DSG4: variants seen among roughly 807,000 people sequenced by gnomAD.
The protein encoded by DSG4 is desmoglein 4.
In DSG4, 87 loss-of-function variants were observed where a neutral mutation model predicts 93.1. The ratio of observed to expected loss-of-function variants is 0.93; its 90% CI spans 0.79 to 1.12. DSG4 has a LOEUF of 1.12. Ranked by LOEUF, DSG4 falls within the 50% of genes most tolerant of loss-of-function variation. DSG4 has a pLI of 0.00. For missense variants in DSG4, 1,373 were observed against 1,285.7 expected (o/e 1.07, Z -1.04); for synonymous variants, 432 against 452.9 (o/e 0.95, Z 0.59).
intron 4 of DSG4, 72 bp from the exon 5 acceptor site, chr18:31,388,802 C>T (rs2072217099): frequency 6.2e-7 from 1 of 1,608,076 alleles, no homozygotes; most frequent in Admixed American, 1.7e-5. Context: ...TGCCTATTTT[C>T]TGATATATTT....
At position 31,390,666 on chromosome 18, in the gene DSG4, A is replaced by G; in HGVS notation, c.528A>G (p.Val176=). 3.1e-6 allele frequency: 5 copies of G among 1,613,538 alleles called. No individual in the cohort carries two copies. The highest frequency in any genetic ancestry group is 1.7e-4 in the Middle Eastern group (1 of 6,056). The change falls in exon 6 of 16, where the codon GTA becomes GTG. Residue 176 remains valine, a synonymous_variant. Coordinates refer to ENST00000308128, the MANE Select transcript of DSG4 (RefSeq NM_177986.5). ...CATTTCTATTTCTAGATACATTGGT[A>G]GTAAAGTTATGTGCCACAGATGCAG... is the stretch of plus-strand genomic sequence containing the variant. ...IEENSDANTL[V]VKLCATDADE...
At chr18:31,385,002 A>G (rs2072172512) in intron 1 of DSG4, 134 bp from the exon 2 acceptor site, 4 of 801,908 alleles carry the variant, frequency 5.0e-6, no homozygotes, top group Non-Finnish European at 8.4e-6. Context: ...TGTGTTAGCC[A>G]TGTTTATTTC....
chr18:31,383,791 G>A (rs541509143), intron 1 of DSG4, among the ~76,000 whole-genome samples: 1 of 152,188 alleles, frequency 6.6e-6, no homozygotes, highest in East Asian at 1.9e-4. Context: ...ATTATCTGGG[G>A]CACTAAACTA....
rs748100051 is a variant in DSG4, at chr18:31,392,241, C to T, written c.906C>T (p.Asn302=). Residue 302 remains asparagine (N), a synonymous_variant, in exon 8 of 16, where the codon AAC becomes AAT. Coordinates refer to ENST00000308128, the MANE Select transcript of DSG4 (RefSeq NM_177986.5). The part of the protein sequence containing the change: ...AIDLDEEGTD[N]WLAQYLILSG... ...ATCTTGATGAAGAAGGCACTGATAA[C>T]TGGTTGGCTCAATATTTAATTCTCT... is the stretch of plus-strand genomic sequence containing the variant. 44 of 1,613,638 alleles carry T rather than the reference C, an allele frequency of 2.7e-5. No individual in the cohort carries two copies. The South Asian group carries it at 4.7e-4, about 17-fold the overall frequency.
Position 31,412,659 on chromosome 18 carries a change from A to G in DSG4, c.2356-169A>G, listed in dbSNP as rs187271406. ...CTTAAAATTGGTAGTTACAAATGCT[A>G]TCACAGAATGTGCATGGATAGTATC... is the stretch of plus-strand genomic sequence containing the variant. On this transcript the variant is annotated intron_variant, in intron 15 of 15. Coordinates refer to ENST00000308128, the MANE Select transcript of DSG4 (RefSeq NM_177986.5). Among the ~76,000 whole-genome samples, 286 of 152,358 alleles carry G rather than the reference A, an allele frequency of 1.9e-3. 1 individual carries two copies. Among genetic ancestry groups the G allele is most frequent in the African/African-American group, 6.2e-3 (259 of 41,586 alleles).
intron 6 of DSG4, 114 bp downstream of exon 6, chr18:31,390,936 A>C (rs1422915900): frequency 6.7e-7 from 1 of 1,500,746 alleles, no homozygotes; most frequent in Non-Finnish European, 9.0e-7. Flanking sequence ...AAAATAATCC[A>C]TTTTTAATAA....
At position 31,409,790 on chromosome 18, in the gene DSG4, G is replaced by T; in HGVS notation, c.2119G>T (p.Asp707Tyr). 1 of 1,614,086 alleles carries T rather than the reference G, an allele frequency of 6.2e-7. No individual in the cohort carries two copies. The highest frequency in any genetic ancestry group is 1.1e-5 in the South Asian group (1 of 91,060). The change falls in exon 14 of 16, where the codon GAT becomes TAT. Residue 707 changes from aspartate (D) to tyrosine (Y), a missense_variant. Physicochemically the swap from Asp to Tyr is radical, Grantham distance 160. Coordinates refer to ENST00000308128, the MANE Select transcript of DSG4 (RefSeq NM_177986.5). ...ACCCATGACAGCCTCAAATACCCAG[G>T]ATCGGATGGATTCCTCTGGTCAGTA... ...CAPMTASNTQ[D>Y]RMDSSEIYTN... is the part of the protein sequence containing the mutation.
chr18:31,392,360 A>T lies in DSG4; in HGVS notation c.1005+20A>T, dbSNP rs1245731915. On this transcript the variant is annotated intron_variant, in intron 8 of 15. Coordinates refer to ENST00000308128, the MANE Select transcript of DSG4 (RefSeq NM_177986.5). ...GTCAAGGTACAGTATAAGGATCTGC[A>T]ATATTTTCTTCCAAAATATTTTATT... The T allele has an allele frequency of 6.2e-7, 1 of 1,611,930 alleles. No homozygotes were observed. The highest frequency in any genetic ancestry group is 8.5e-7 in the Non-Finnish European group (1 of 1,178,588).
intron 11 of DSG4, among the ~76,000 whole-genome samples, chr18:31,405,339 AC>A (rs2072412811): frequency 6.6e-6 from 1 of 152,240 alleles, no homozygotes; most frequent in Admixed American, 6.5e-5. Context: ...TGAGTAAGAT[AC>A]ATATAAACAG....
intron 10 of DSG4, 102 bp downstream of exon 10, chr18:31,401,122 G>A (rs1324880791): frequency 2.9e-6 from 3 of 1,039,332 alleles, no homozygotes; most frequent in Admixed American, 2.7e-5. Context: ...CATTTTTAAT[G>A]GTGTATGCAA....
At chr18:31,401,829 T>C (rs1355493845) in intron 10 of DSG4, among the ~76,000 whole-genome samples, 1 of 152,190 alleles carries the variant, frequency 6.6e-6, no homozygotes, top group Non-Finnish European at 1.5e-5. Context: ...ATAGCTGACC[T>C]TTCCAGTATC....
Position 31,392,335 on chromosome 18 carries a change from G to T in DSG4, c.1000G>T (p.Val334Phe). 1.9e-6 allele frequency: 3 copies of T among 1,613,516 alleles called. No homozygotes were observed. The highest frequency in any genetic ancestry group is 1.7e-5 in the Admixed American group (1 of 59,998). Reference protein sequence around the residue: ...PQTNEGILKVVKMLDYEQAPN... With the variant: ...PQTNEGILKVFKMLDYEQAPN... Reference sequence around the variant, plus strand: ...AACCAATGAAGGCATTTTGAAAGTTGTCAAGGTACAGTATAAGGATCTGCA... The same window carrying T: ...AACCAATGAAGGCATTTTGAAAGTTTTCAAGGTACAGTATAAGGATCTGCA... Residue 334 changes from valine (V) to phenylalanine (F), a missense_variant, in exon 8 of 16, where the codon GTC becomes TTC. Physicochemically the swap from Val to Phe is conservative, Grantham distance 50 (BLOSUM62 -1). Coordinates refer to ENST00000308128, the MANE Select transcript of DSG4 (RefSeq NM_177986.5).
At chr18:31,387,447 G>C (rs8092320) in intron 3 of DSG4, among the ~76,000 whole-genome samples, 5 of 151,994 alleles carry the variant, frequency 3.3e-5, no homozygotes, top group East Asian at 3.9e-4. Flanking sequence ...AGCATCAGCA[G>C]TGGTGTTACA....
intron 1 of DSG4, among the ~76,000 whole-genome samples, chr18:31,378,867 C>G (rs1039263380): frequency 6.6e-6 from 1 of 152,146 alleles, no homozygotes; most frequent in African/African-American, 2.4e-5. Context: ...GCCTACTTCT[C>G]TTTAATTTCC....
Position 31,406,253 on chromosome 18 carries a change from A to C in DSG4, c.1813A>C (p.Thr605Pro). Reference protein sequence around the residue: ...CLDSGAAGIYTEDITGDTYGP... With the variant: ...CLDSGAAGIYPEDITGDTYGP... ...GGACTCTGGTGCCGCGGGCATCTAC[A>C]CAGAGGACATAACTGGTGACACGTA... Residue 605 changes from threonine (T) to proline (P), a missense_variant, in exon 12 of 16, where the codon ACA becomes CCA. Thr to Pro is a conservative substitution (Grantham distance 38, BLOSUM62 -1). Coordinates refer to ENST00000308128, the MANE Select transcript of DSG4 (RefSeq NM_177986.5). The C allele has an allele frequency of 6.2e-7, 1 of 1,614,216 alleles. No homozygotes were observed. The highest frequency in any genetic ancestry group is 8.5e-7 in the Non-Finnish European group (1 of 1,180,036).
In DSG4 at chr18:31,399,481, T is replaced by G; in HGVS notation, c.1215T>G (p.Asn405Lys). Residue 405 changes from asparagine (N) to lysine (K), a missense_variant, in exon 9 of 16, where the codon AAT (asparagine) becomes AAG (lysine). By Grantham distance (94) the Asn-to-Lys change is moderately conservative. Transcript: ENST00000308128. ...REGIKGSSLLNYVLGTYTAID... is the reference protein window; with the variant it reads ...REGIKGSSLLKYVLGTYTAID... ...GAATAAAAGGAAGTTCCTTATTGAATTATGTGCTTGGCACATATACAGCCA... is the reference window on the plus strand; with the variant it reads ...GAATAAAAGGAAGTTCCTTATTGAAGTATGTGCTTGGCACATATACAGCCA... 1 of 1,614,100 alleles carries G rather than the reference T, an allele frequency of 6.2e-7. No homozygotes were observed. The highest frequency in any genetic ancestry group is 8.5e-7 in the Non-Finnish European group (1 of 1,179,948).
intron 1 of DSG4, among the ~76,000 whole-genome samples, 164 bp downstream of exon 1, chr18:31,377,123 T>G (rs1273628993): frequency 6.6e-6 from 1 of 152,138 alleles, no homozygotes; most frequent in Non-Finnish European, 1.5e-5. Context: ...CTCTCCGCCT[T>G]GAGGAACAAA....
At chr18:31,378,984 T>C (rs1319514307) in intron 1 of DSG4, among the ~76,000 whole-genome samples, 1 of 152,202 alleles carries the variant, frequency 6.6e-6, no homozygotes, top group East Asian at 1.9e-4. Context: ...GACTCACAGG[T>C]ACTTTGTGTC....
Position 31,386,702 on chromosome 18 carries a change from CA to C in DSG4, c.100del (p.Ile34LeufsTer50). 6.2e-7 allele frequency: 1 copy of C among 1,613,224 alleles called. No homozygotes were observed. Among genetic ancestry groups the C allele is most frequent in the Non-Finnish European group, 8.5e-7 (1 of 1,179,310 alleles). On this transcript the variant is annotated frameshift_variant, in exon 3 of 16. Coordinates refer to ENST00000308128, the MANE Select transcript of DSG4 (RefSeq NM_177986.5). LOFTEE classifies it high-confidence loss of function. ...EFIVEVKEFD[I>X]ENGTTKWQTV... is the part of the protein sequence containing the mutation. ...TTTTGCTTAAGGTGAAGGAATTTGA[CA>C]TTGAAAATGGCACTACAAAATGGCA...
Sources: gnomAD v4.1 joint callset for allele counts (sites outside exome capture counted in the v4.1 genomes callset) on GRCh38, gnomAD v4.1.1 for gene constraint, MANE v1.5 for transcripts, NCBI Gene and HGNC (gene_info 2026-07-23, HGNC 2026-07-21) for gene names.